The following NAA35 variants were observed in gnomAD, a reference collection of about 807,000 sequenced individuals.
NAA35 encodes the protein N-alpha-acetyltransferase 35, NatC auxiliary subunit, also known as MAK10 homolog, amino-acid N-acetyltransferase subunit.
In NAA35, 18 loss-of-function variants were observed where a neutral mutation model predicts 101.7. That is an observed-to-expected ratio of 0.18 (90% CI 0.12 to 0.26). The LOEUF is 0.26. Among genes scored for constraint, NAA35 ranks in the 10% least tolerant of loss-of-function variants. NAA35 has a pLI of 1.00. For missense variants in NAA35, 601 were observed against 886.8 expected, an observed-to-expected ratio of 0.68 and a Z score of 4.09; for synonymous variants, 267 against 273.1, an observed-to-expected ratio of 0.98 and a Z score of 0.22.
At chr9:86,003,721 A>C in intron 13 of NAA35, 77 bp downstream of exon 13, 1 of 851,732 alleles carries the variant, frequency 1.2e-6, no homozygotes, top group Non-Finnish European at 1.8e-6. Context: ...TTGATTGAAC[A>C]AAAGGTAGAT....
At chr9:86,013,509 T>A (rs1381721317) in intron 16 of NAA35, among the ~76,000 whole-genome samples, 3 of 152,234 alleles carry the variant, frequency 2.0e-5, no homozygotes, top group Admixed American at 2.0e-4. Flanking sequence ...AAAATTGATT[T>A]GGTTTAAGGC....
chr9:85,951,516 A>T (rs1469707067), intron 2 of NAA35, among the ~76,000 whole-genome samples: 2 of 152,220 alleles, frequency 1.3e-5, no homozygotes, highest in Admixed American at 1.3e-4. Flanking sequence ...TGGACTCTTT[A>T]TGCTCTGTTA....
intron 11 of NAA35, among the ~76,000 whole-genome samples, chr9:85,991,270 CAG>C (rs1830898916): frequency 6.6e-6 from 1 of 151,848 alleles, no homozygotes; most frequent in East Asian, 1.9e-4. Flanking sequence ...TGGAGCCTGG[CAG>C]AGTAGGGTGG....
In NAA35 at chr9:86,023,066, A is replaced by C. The variant is rs3750387; in HGVS notation, c.*1106A>C. Reference sequence around the variant, plus strand: ...TTCATAAAAACATGATAGTATAGTGAAACTTTTCTGGCAGTACTTTAAAGC... The same window carrying C: ...TTCATAAAAACATGATAGTATAGTGCAACTTTTCTGGCAGTACTTTAAAGC... On this transcript the variant is annotated 3_prime_UTR_variant, in exon 23 of 23. Transcript: ENST00000361671. 9.8e-5 allele frequency among the ~76,000 whole-genome samples: 15 copies of C among 152,292 alleles called. No individual in the cohort carries two copies. In the East Asian group the frequency reaches 2.9e-3, roughly 29 times the overall value.
chr9:85,953,081 T>A (rs1009997674), intron 2 of NAA35, among the ~76,000 whole-genome samples: 4 of 151,968 alleles, frequency 2.6e-5, no homozygotes, highest in Non-Finnish European at 5.9e-5. Context: ...GGCATGGTGG[T>A]TTGCACCTGT....
At chr9:85,955,343 TA>T (rs1564287965) in intron 2 of NAA35, among the ~76,000 whole-genome samples, 27 of 68,822 alleles carry the variant, frequency 3.9e-4, no homozygotes, top group African/African-American at 1.5e-3. Flanking sequence ...TATATATATA[TA>T]TATATATATA....
intron 22 of NAA35, among the ~76,000 whole-genome samples, 155 bp downstream of exon 22, chr9:86,021,124 AT>A (rs1406608045): frequency 6.6e-6 from 1 of 152,196 alleles, no homozygotes; most frequent in Non-Finnish European, 1.5e-5. Flanking sequence ...AGAGCTTGCC[AT>A]TTTGTCTTGA....
In NAA35 at chr9:85,958,792, A is replaced by G. The variant is rs559084317; in HGVS notation, c.273+206A>G. Among the ~76,000 whole-genome samples, 5 of 152,312 alleles carry G rather than the reference A, an allele frequency of 3.3e-5. No individual in the cohort carries two copies. In the East Asian group the frequency reaches 7.7e-4, roughly 23 times the overall value. ...TTAAAATCTTGCTCTAAATTTGTGC[A>G]TTTGTGTACTTTTAAATTTAATTTT... On this transcript the variant is annotated intron_variant, in intron 4 of 22. Coordinates refer to ENST00000361671, the MANE Select transcript of NAA35 (RefSeq NM_024635.4).
chr9:86,011,948 T>C lies in NAA35; in HGVS notation c.1291-1098T>C, dbSNP rs1454531011. ...ATAATATATACTATAATATATAATATAGTATATAATATATAATGTATATAA... is the reference window on the plus strand; with the variant it reads ...ATAATATATACTATAATATATAATACAGTATATAATATATAATGTATATAA... On this transcript the variant is annotated intron_variant, in intron 15 of 22. Transcript: ENST00000361671. Among the ~76,000 whole-genome samples the C allele has an allele frequency of 5.7e-5, 8 of 141,374 alleles. No homozygotes were observed. In the Admixed American group the frequency reaches 5.9e-4, roughly 10 times the overall value. 92.7% of individuals were successfully genotyped at this position (141,374 alleles called of 152,430 possible).
chr9:85,977,886 G>C (rs1274169872), intron 10 of NAA35, among the ~76,000 whole-genome samples: 2 of 151,326 alleles, frequency 1.3e-5, no homozygotes, highest in African/African-American at 4.9e-5. Context: ...GGTGAATAGG[G>C]ATCCAATTTT....
At chr9:85,953,819 A>T (rs955607088) in intron 2 of NAA35, among the ~76,000 whole-genome samples, 6 of 152,148 alleles carry the variant, frequency 3.9e-5, no homozygotes, top group African/African-American at 7.2e-5. Flanking sequence ...TTCACTTAGC[A>T]TAATGTCCTC....
At chr9:85,967,371 A>T (rs112384254) in intron 6 of NAA35, among the ~76,000 whole-genome samples, 97 of 152,256 alleles carry the variant, frequency 6.4e-4, no homozygotes, top group African/African-American at 2.2e-3. Context: ...GGAAAGAGAA[A>T]ACCAGAAGTT....
chr9:85,975,241 C>A, intron 8 of NAA35, 84 bp downstream of exon 8: 1 of 1,321,636 alleles, frequency 7.6e-7, no homozygotes, highest in Non-Finnish European at 1.1e-6. Flanking sequence ...ATGTGTAGAA[C>A]CACCTTTCTC....
At chr9:85,979,409 G>C (rs1271872463) in intron 11 of NAA35, among the ~76,000 whole-genome samples, 1 of 152,186 alleles carries the variant, frequency 6.6e-6, no homozygotes, top group African/African-American at 2.4e-5. Flanking sequence ...CTTCAAATAA[G>C]AAAGAAGAAC....
chr9:85,974,623 T>A (rs183387472), intron 6 of NAA35, among the ~76,000 whole-genome samples: 26 of 152,310 alleles, frequency 1.7e-4, no homozygotes, highest in African/African-American at 5.8e-4. Flanking sequence ...TTATTACATA[T>A]TTACTGTTCA....
chr9:85,960,416 C>A (rs1364393196), intron 5 of NAA35, among the ~76,000 whole-genome samples: 1 of 152,080 alleles, frequency 6.6e-6, no homozygotes, highest in Non-Finnish European at 1.5e-5. Context: ...GACATTAAAT[C>A]ATTTTCCTTA....
intron 10 of NAA35, among the ~76,000 whole-genome samples, chr9:85,977,997 GTTGA>G (rs1239131486): frequency 6.8e-6 from 1 of 147,298 alleles, no homozygotes; most frequent in African/African-American, 2.5e-5. Context: ...TCATTTTCTA[GTTGA>G]TTGCTTCTTT....
intron 11 of NAA35, among the ~76,000 whole-genome samples, chr9:85,992,744 A>G (rs1029087269): frequency 5.3e-4 from 80 of 152,232 alleles, no homozygotes; most frequent in Non-Finnish European, 5.9e-4. Context: ...GTGAAATTAA[A>G]TGCAGTTGAC....
intron 2 of NAA35, 64 bp downstream of exon 2, chr9:85,942,347 C>G: frequency 6.4e-7 from 1 of 1,571,212 alleles, no homozygotes. Flanking sequence ...ATTGTGCTTT[C>G]TAAACTTACC....
Sources: allele counts gnomAD v4.1 joint callset (sites outside exome capture counted in the v4.1 genomes callset), GRCh38; gene constraint gnomAD v4.1.1; transcripts MANE v1.5; gene names NCBI Gene and HGNC (gene_info 2026-07-23, HGNC 2026-07-21).